Variants in RANBP2 observed in about 807,000 individuals in gnomAD.
The protein encoded by RANBP2 is E3 SUMO-protein ligase RanBP2.
In RANBP2, 57 loss-of-function variants were observed where a neutral mutation model predicts 303.6. That is an observed-to-expected ratio of 0.19 (90% CI 0.15 to 0.23). The LOEUF is 0.23. Ranked by LOEUF, RANBP2 falls within the 10% of genes least tolerant of loss-of-function variation. The pLI, the probability that RANBP2 is intolerant of heterozygous loss-of-function variation, is 1.00. For missense variants in RANBP2, 3,138 were observed against 3,780.8 expected, an observed-to-expected ratio of 0.83 and a Z score of 4.46; for synonymous variants, 1,167 against 1,301.5, an observed-to-expected ratio of 0.90 and a Z score of 2.23.
chr2:109,401,879 C>T, the RANBP2 span, among the ~76,000 whole-genome samples: 1 of 152,250 alleles, frequency 6.6e-6, no homozygotes, highest in African/African-American at 2.4e-5. Flanking sequence ...TGCATACTAC[C>T]TGGCTCCACA....
chr2:109,301,318 G>A, the RANBP2 span, among the ~76,000 whole-genome samples: 1 of 143,318 alleles, frequency 7.0e-6, no homozygotes, highest in Non-Finnish European at 1.5e-5. Flanking sequence ...TGGGGGGCGG[G>A]CTGTGTATCT....
chr2:109,671,706 A>G, the RANBP2 span, among the ~76,000 whole-genome samples: 1 of 152,120 alleles, frequency 6.6e-6, no homozygotes, highest in African/African-American at 2.4e-5. Context: ...TTCAAATTTC[A>G]TGAATCAGGA....
the RANBP2 span, among the ~76,000 whole-genome samples, chr2:109,418,448 C>A: frequency 1.3e-5 from 2 of 152,140 alleles, no homozygotes; most frequent in Non-Finnish European, 2.9e-5. Flanking sequence ...GGAGTCTGTT[C>A]CGGGGCTCCC....
At chr2:109,630,040 T>C in the RANBP2 span, among the ~76,000 whole-genome samples, 2 of 151,830 alleles carry the variant, frequency 1.3e-5, no homozygotes, top group Non-Finnish European at 2.9e-5. Flanking sequence ...CAAGAAAGAA[T>C]GAGAAGAAAA....
chr2:109,365,219 T>C, the RANBP2 span, among the ~76,000 whole-genome samples: 2 of 152,170 alleles, frequency 1.3e-5, no homozygotes, highest in African/African-American at 4.8e-5. Context: ...TCTCTGATAT[T>C]CACTATGAAG....
At chr2:108,989,893 C>T in the RANBP2 span, among the ~76,000 whole-genome samples, 2 of 152,078 alleles carry the variant, frequency 1.3e-5, no homozygotes, top group Non-Finnish European at 2.9e-5. Context: ...CAGATAAATA[C>T]AGGAACAGAG....
chr2:108,892,703 G>A, the RANBP2 span, among the ~76,000 whole-genome samples: 1 of 152,182 alleles, frequency 6.6e-6, no homozygotes, highest in Non-Finnish European at 1.5e-5. Flanking sequence ...GATTACATGA[G>A]TTCATGCTGG....
At chr2:109,031,128 C>G in the RANBP2 span, among the ~76,000 whole-genome samples, 1 of 152,056 alleles carries the variant, frequency 6.6e-6, no homozygotes, top group African/African-American at 2.4e-5. Context: ...ACTCCGGGTC[C>G]CTAAGTCCAT....
At chr2:109,535,341 C>T in the RANBP2 span, among the ~76,000 whole-genome samples, 1 of 152,152 alleles carries the variant, frequency 6.6e-6, no homozygotes, top group Non-Finnish European at 1.5e-5. Context: ...ACACCAAGAC[C>T]TAAAAATGCA....
chr2:109,544,227 A>C, the RANBP2 span: 1 of 1,611,728 alleles, frequency 6.2e-7, no homozygotes, highest in Non-Finnish European at 8.5e-7. Flanking sequence ...AACAAATAAC[A>C]GCAAAATCAA....
At chr2:108,859,743 A>G in the RANBP2 span, among the ~76,000 whole-genome samples, 1 of 152,060 alleles carries the variant, frequency 6.6e-6, no homozygotes, top group African/African-American at 2.4e-5. Context: ...TGATGCTTCC[A>G]GCTTTGTTCT....
chr2:109,363,216 A>G, the RANBP2 span, among the ~76,000 whole-genome samples: 1,605 of 151,604 alleles, frequency 0.011, 22 homozygotes, highest in African/African-American at 0.037. Context: ...CTTTATTAGC[A>G]TATCAGTTGT....
At chr2:109,416,789 C>G in the RANBP2 span, among the ~76,000 whole-genome samples, 1 of 151,716 alleles carries the variant, frequency 6.6e-6, no homozygotes, top group Non-Finnish European at 1.5e-5. Flanking sequence ...AACTGTAATC[C>G]CGGCTACTCA....
chr2:109,606,497 T>C, the RANBP2 span, among the ~76,000 whole-genome samples: 1 of 152,110 alleles, frequency 6.6e-6, no homozygotes, highest in Non-Finnish European at 1.5e-5. Context: ...CTGGTAGCAT[T>C]CAATTACCAT....
chr2:109,463,219 A>T, the RANBP2 span, among the ~76,000 whole-genome samples: 1 of 152,252 alleles, frequency 6.6e-6, no homozygotes, highest in Non-Finnish European at 1.5e-5. Flanking sequence ...AATTTAGTAG[A>T]CAGCCCATCT....
At chr2:109,214,858 G>A in the RANBP2 span, among the ~76,000 whole-genome samples, 1,371 of 152,300 alleles carry the variant, frequency 9.0e-3, 5 homozygotes, top group Non-Finnish European at 0.013. Flanking sequence ...TGGGGGTGAC[G>A]CGGACAGCAG....
the RANBP2 span, among the ~76,000 whole-genome samples, chr2:109,050,310 G>A: frequency 1.3e-5 from 2 of 151,714 alleles, no homozygotes; most frequent in Non-Finnish European, 2.9e-5. Context: ...CTAGAGTACA[G>A]TGGTGCAATC....
At chr2:109,517,177 T>TCCGG in the RANBP2 span, among the ~76,000 whole-genome samples, 5,803 of 152,092 alleles carry the variant, frequency 0.038, 363 homozygotes, top group African/African-American at 0.13. Flanking sequence ...GTGCAAAGGG[T>TCCGG]ATACACAGAG....
intron 7 of RANBP2, among the ~76,000 whole-genome samples, chr2:108,743,071 G>T (rs527514818): frequency 4.7e-4 from 71 of 152,200 alleles, no homozygotes; most frequent in Admixed American, 1.6e-3. Flanking sequence ...TTATAGGCGT[G>T]AGCCACCGCG....
Sources: allele counts gnomAD v4.1 joint callset (sites outside exome capture counted in the v4.1 genomes callset), GRCh38; gene constraint gnomAD v4.1.1; transcripts MANE v1.5; gene names NCBI Gene and HGNC (gene_info 2026-07-23, HGNC 2026-07-21).